Variants in MYO7A observed in about 807,000 individuals in gnomAD.
MYO7A encodes myosin VIIA, also known as unconventional myosin-VIIa.
In MYO7A, 210 loss-of-function variants were observed where a neutral mutation model predicts 263.8. The ratio of observed to expected loss-of-function variants is 0.80; its 90% CI spans 0.71 to 0.89. The LOEUF is 0.89. MYO7A is among the 40% of genes least tolerant of loss of function. The pLI is 0.00. For synonymous variants in MYO7A, 1,239 were observed against 1,197.3 expected (o/e 1.03, Z -0.72); for missense variants, 2,820 against 2,968.3 (o/e 0.95, Z 1.16).
At chr11:77,198,756 C>T in intron 34 of MYO7A, 135 bp downstream of exon 34, 1 of 1,330,012 alleles carries the variant, frequency 7.5e-7, no homozygotes, top group Non-Finnish European at 1.0e-6. Context: ...TTGTGCCGCA[C>T]TGTGCAGACC....
At chr11:77,141,349 G>A (rs781831258) in intron 2 of MYO7A, among the ~76,000 whole-genome samples, 2 of 152,172 alleles carry the variant, frequency 1.3e-5, no homozygotes, top group Non-Finnish European at 2.9e-5. Flanking sequence ...ACCCAAGGCC[G>A]GGTAGGGCCT....
rs1958052784 is a variant in MYO7A, at chr11:77,214,795, C to T, written c.*99C>T. ...GCAGCTGGGGAAGACTTATGCCATC[C>T]CGGCAGCGAGGCTGGGCTGGCCAGC... On this transcript the variant is annotated 3_prime_UTR_variant, in exon 49 of 49. Transcript: ENST00000409709. 9.6e-7 allele frequency: 1 copy of T among 1,043,066 alleles called. No homozygotes were observed. The highest frequency in any genetic ancestry group is 1.4e-6 in the Non-Finnish European group (1 of 710,512). 64.6% of individuals were successfully genotyped at this position (1,043,066 alleles called of 1,614,324 possible). A position where few individuals can be genotyped will look rare whatever the true frequency, so the allele number is the denominator to read the frequency against.
chr11:77,198,242 G>C (rs1001813467), intron 33 of MYO7A, among the ~76,000 whole-genome samples: 3 of 152,228 alleles, frequency 2.0e-5, no homozygotes, highest in African/African-American at 7.2e-5. Context: ...CCTTAGTGCA[G>C]GGCAGGGGCT....
intron 28 of MYO7A, 29 bp downstream of exon 28, chr11:77,189,499 G>C: frequency 6.2e-7 from 1 of 1,613,184 alleles, no homozygotes; most frequent in East Asian, 2.2e-5. Flanking sequence ...TCCTGGAGTG[G>C]GAAGGGGAGC....
At chr11:77,135,827 A>G (rs1380497149) in intron 2 of MYO7A, among the ~76,000 whole-genome samples, 3 of 152,136 alleles carry the variant, frequency 2.0e-5, no homozygotes, top group East Asian at 3.9e-4. Context: ...GCATTATCCT[A>G]ATGATGAATG....
At chr11:77,159,759 C>T (rs1952817658) in intron 10 of MYO7A, among the ~76,000 whole-genome samples, 2 of 152,180 alleles carry the variant, frequency 1.3e-5, no homozygotes, top group Non-Finnish European at 2.9e-5. Flanking sequence ...GCTATGTGAC[C>T]CTGGGTGAGT....
At chr11:77,167,850 C>G (rs1216374532) in intron 15 of MYO7A, among the ~76,000 whole-genome samples, 1 of 152,114 alleles carries the variant, frequency 6.6e-6, no homozygotes, top group East Asian at 1.9e-4. Flanking sequence ...GCCCACAGAT[C>G]AGCCCTGGAA....
chr11:77,185,585 C>T (rs1336311818), intron 27 of MYO7A, among the ~76,000 whole-genome samples: 1 of 152,234 alleles, frequency 6.6e-6, no homozygotes, highest in Non-Finnish European at 1.5e-5. Flanking sequence ...ATTTCCACCA[C>T]ATCTGCAGTT....
chr11:77,208,214 CTGAA>C (rs1957592733), intron 42 of MYO7A, among the ~76,000 whole-genome samples: 1 of 152,194 alleles, frequency 6.6e-6, no homozygotes, highest in Non-Finnish European at 1.5e-5. Flanking sequence ...GTCCCAGGCA[CTGAA>C]TGGAATGACC....
chr11:77,205,858 T>C (rs1015165068), intron 40 of MYO7A, among the ~76,000 whole-genome samples: 6 of 152,270 alleles, frequency 3.9e-5, no homozygotes, highest in African/African-American at 1.4e-4. Flanking sequence ...CACAGACACC[T>C]GGGCCCACTT....
intron 19 of MYO7A, 94 bp downstream of exon 19, chr11:77,177,737 G>A: frequency 8.1e-6 from 8 of 983,068 alleles, no homozygotes; most frequent in Admixed American, 4.3e-5. Flanking sequence ...ATGAACACTA[G>A]GAAAAAAACG....
Position 77,199,606 on chromosome 11 carries a change from G to T in MYO7A, c.4640G>T (p.Gly1547Val), listed in dbSNP as rs759398330. The change falls in exon 35 of 49, where the codon GGA becomes GTA. Residue 1547 changes from glycine (G) to valine (V), a missense_variant. Gly to Val is a moderately radical substitution (Grantham distance 109, BLOSUM62 -3). Coordinates refer to ENST00000409709, the MANE Select transcript of MYO7A (RefSeq NM_000260.4). ...GCAAPHSGWA[G>V]LTPAGPCSPC... ...GCTGCGCCTCACTCAGGCTGGGCAG[G>T]ACTGACCCCGGCGGGGCCCTGTTCT... 2.5e-6 allele frequency: 4 copies of T among 1,599,008 alleles called. No homozygotes were observed. In the Admixed American group the frequency reaches 5.2e-5, roughly 21 times the overall value.
chr11:77,201,519 C>A lies in MYO7A; in HGVS notation c.4924C>A (p.Gln1642Lys), dbSNP rs375922498. The change falls in exon 36 of 49, where the codon CAG (glutamine) becomes AAG (lysine). Residue 1642 changes from glutamine (Q) to lysine (K), a missense_variant. By Grantham distance (53) the Gln-to-Lys change is moderately conservative (BLOSUM62 1). Transcript: ENST00000409709. ...CATCCTGGACCATGACACGGGCGAGCAGGTCATGAACTCGGGCTGGGCCAA... is the reference window on the plus strand; with the variant it reads ...CATCCTGGACCATGACACGGGCGAGAAGGTCATGAACTCGGGCTGGGCCAA... ...LIILDHDTGE[Q>K]VMNSGWANGI... 36 of 1,613,800 alleles carry A rather than the reference C, an allele frequency of 2.2e-5. No individual in the cohort carries two copies. Among genetic ancestry groups the A allele is most frequent in the Non-Finnish European group, 3.1e-5 (36 of 1,179,890 alleles).
intron 48 of MYO7A, 113 bp downstream of exon 48, chr11:77,214,092 G>C (rs1958023227): frequency 8.2e-6 from 12 of 1,457,054 alleles, no homozygotes; most frequent in Non-Finnish European, 1.1e-5. Flanking sequence ...GGGGTCGTGG[G>C]CAAGGGTCAT....
chr11:77,169,791 C>T (rs1555074877), intron 15 of MYO7A, among the ~76,000 whole-genome samples: 1 of 152,166 alleles, frequency 6.6e-6, no homozygotes, highest in Non-Finnish European at 1.5e-5. Flanking sequence ...GTTAGAAAGC[C>T]AAGGCCAGGT....
At position 77,175,365 on chromosome 11, in the gene MYO7A, A is replaced by C; in HGVS notation, c.2095-7A>C. Reference sequence around the variant, plus strand: ...CCATTCCCTTGTGTTCCCCATCCTCACTCCAGGGCGACCTCCGCGGGACTT... The same window carrying C: ...CCATTCCCTTGTGTTCCCCATCCTCCCTCCAGGGCGACCTCCGCGGGACTT... On this transcript the variant is annotated splice_region_variant and splice_polypyrimidine_tract_variant and intron_variant, in intron 17 of 48. Coordinates refer to ENST00000409709, the MANE Select transcript of MYO7A (RefSeq NM_000260.4). 1.9e-6 allele frequency: 3 copies of C among 1,612,280 alleles called. No homozygotes were observed. The highest frequency in any genetic ancestry group is 1.7e-6 in the Non-Finnish European group (2 of 1,179,586).
chr11:77,130,738 A>G (rs1400655092), intron 2 of MYO7A, 86 bp downstream of exon 2: 26 of 1,471,718 alleles, frequency 1.8e-5, no homozygotes, highest in Non-Finnish European at 2.3e-5. Flanking sequence ...CACCCTCCCC[A>G]GGGTGTTCTC....
chr11:77,202,996 C>T, intron 37 of MYO7A, 64 bp from the exon 38 acceptor site: 2 of 1,528,374 alleles, frequency 1.3e-6, no homozygotes, highest in Non-Finnish European at 1.8e-6. Flanking sequence ...GTCTCACAAC[C>T]TGGGGGTTTC....
chr11:77,143,389 C>G (rs1951346067), intron 3 of MYO7A, among the ~76,000 whole-genome samples: 1 of 152,234 alleles, frequency 6.6e-6, no homozygotes, highest in Admixed American at 6.5e-5. Flanking sequence ...AATCCACTGT[C>G]CACCTTGACA....
Sources: allele counts gnomAD v4.1 joint callset (sites outside exome capture counted in the v4.1 genomes callset), GRCh38; gene constraint gnomAD v4.1.1; transcripts MANE v1.5; gene names NCBI Gene and HGNC (gene_info 2026-07-23, HGNC 2026-07-21).